The following OXR1 variants were observed in gnomAD, a reference collection of about 807,000 sequenced individuals.
OXR1 encodes oxidation resistance 1, also known as oxidation resistance protein 1.
OXR1 carries 41 observed loss-of-function variants against 104.6 expected under a neutral mutation model. The ratio of observed to expected loss-of-function variants is 0.39; its 90% CI spans 0.31 to 0.51. The LOEUF is 0.51. OXR1 is among the 20% of genes least tolerant of loss of function. OXR1 has a pLI of 0.77. For synonymous variants in OXR1, 348 were observed against 348.4 expected (o/e 1.00, Z 0.01); for missense variants, 955 against 1,031.9 (o/e 0.93, Z 1.02).
intron 2 of OXR1, among the ~76,000 whole-genome samples, chr8:106,518,629 C>T (rs2130104680): frequency 6.6e-6 from 1 of 152,218 alleles, no homozygotes; most frequent in East Asian, 1.9e-4. Flanking sequence ...CCTTTCAGAA[C>T]TAAATACTAT....
At chr8:106,334,455 G>A (rs556901582) in intron 1 of OXR1, among the ~76,000 whole-genome samples, 14 of 152,154 alleles carry the variant, frequency 9.2e-5, no homozygotes, top group African/African-American at 3.4e-4. Flanking sequence ...CCTCTGACTA[G>A]AGCCTCCAGA....
intron 2 of OXR1, among the ~76,000 whole-genome samples, chr8:106,419,072 C>T (rs989515189): frequency 6.6e-6 from 1 of 152,138 alleles, no homozygotes; most frequent in African/African-American, 2.4e-5. Context: ...TTGATGGCAT[C>T]ACTGACTCCA....
At chr8:106,641,284 G>GC (rs1192849692) in intron 3 of OXR1, among the ~76,000 whole-genome samples, 2 of 152,162 alleles carry the variant, frequency 1.3e-5, no homozygotes, top group Admixed American at 1.3e-4. Flanking sequence ...GGACCTCATA[G>GC]CTTTTGAAGC....
chr8:106,505,617 G>T (rs1385352505), intron 2 of OXR1, among the ~76,000 whole-genome samples: 1 of 152,134 alleles, frequency 6.6e-6, no homozygotes, highest in Non-Finnish European at 1.5e-5. Flanking sequence ...AAAATTGTAG[G>T]GATGGTCTTT....
At chr8:106,503,544 A>C (rs1273216636) in intron 2 of OXR1, among the ~76,000 whole-genome samples, 1 of 152,140 alleles carries the variant, frequency 6.6e-6, no homozygotes, top group Non-Finnish European at 1.5e-5. Flanking sequence ...GGATGCCTTT[A>C]CCTTATCCCA....
intron 3 of OXR1, chr8:106,656,022 T>C (rs958125995): frequency 6.6e-6 from 1 of 152,240 alleles, no homozygotes; most frequent in African/African-American, 2.4e-5. Context: ...GGTAAATTTT[T>C]AGAAGATGTA....
intron 2 of OXR1, among the ~76,000 whole-genome samples, chr8:106,425,935 G>A (rs1227893631): frequency 6.6e-6 from 1 of 152,192 alleles, no homozygotes; most frequent in East Asian, 1.9e-4. Flanking sequence ...TTCTTGCAGA[G>A]GAGGTATGTA....
intron 3 of OXR1, among the ~76,000 whole-genome samples, chr8:106,610,228 C>G (rs1820713921): frequency 6.6e-6 from 1 of 151,996 alleles, no homozygotes; most frequent in African/African-American, 2.4e-5. Flanking sequence ...AAAATTCTGT[C>G]TATTCAACCC....
At chr8:106,726,318 TAGTC>T in intron 11 of OXR1, 1 of 1,413,282 alleles carries the variant, frequency 7.1e-7, no homozygotes, top group Non-Finnish European at 9.6e-7. Context: ...TGGTAAATCT[TAGTC>T]AATTATTTTA....
chr8:106,485,853 G>A (rs1179781915), intron 2 of OXR1, among the ~76,000 whole-genome samples: 1 of 151,690 alleles, frequency 6.6e-6, no homozygotes, highest in Non-Finnish European at 1.5e-5. Flanking sequence ...AAATAAGCCA[G>A]GCACAAAAAG....
At chr8:106,482,753 C>T (rs1477626862) in intron 2 of OXR1, among the ~76,000 whole-genome samples, 2 of 151,934 alleles carry the variant, frequency 1.3e-5, no homozygotes, top group African/African-American at 4.8e-5. Flanking sequence ...AATTTCTTTT[C>T]ACTCATTTTG....
intron 2 of OXR1, among the ~76,000 whole-genome samples, chr8:106,370,100 A>G (rs1268547319): frequency 6.6e-6 from 1 of 152,092 alleles, no homozygotes; most frequent in Non-Finnish European, 1.5e-5. Context: ...GTTCTCCTTA[A>G]AGAGGTCCTT....
At chr8:106,737,319 G>A (rs888582103) in intron 11 of OXR1, among the ~76,000 whole-genome samples, 1 of 151,872 alleles carries the variant, frequency 6.6e-6, no homozygotes, top group Non-Finnish European at 1.5e-5. Flanking sequence ...CTAGTTGGAT[G>A]TAGTAGTGAA....
chr8:106,365,144 G>A (rs557660357), intron 2 of OXR1, among the ~76,000 whole-genome samples: 4 of 152,148 alleles, frequency 2.6e-5, no homozygotes, highest in Admixed American at 6.6e-5. Context: ...AAAGAGAAAG[G>A]TTAGATATGA....
chr8:106,617,478 C>A (rs558468569), intron 3 of OXR1, among the ~76,000 whole-genome samples: 230 of 152,194 alleles, frequency 1.5e-3, no homozygotes, highest in African/African-American at 5.3e-3. Flanking sequence ...GTTATTACTA[C>A]TTTTATCCAT....
intron 3 of OXR1, 84 bp downstream of exon 3, chr8:106,519,223 G>T: frequency 1.2e-6 from 1 of 810,730 alleles, no homozygotes; most frequent in Non-Finnish European, 1.9e-6. Context: ...TTAGTTAAGT[G>T]GCTCCTTGTT....
intron 11 of OXR1, among the ~76,000 whole-genome samples, chr8:106,724,605 T>G (rs562706261): frequency 6.6e-6 from 1 of 152,348 alleles, no homozygotes; most frequent in Non-Finnish European, 1.5e-5. Flanking sequence ...GTCTGATTAA[T>G]TAGAAACCAT....
intron 1 of OXR1, among the ~76,000 whole-genome samples, chr8:106,284,812 A>T (rs2345580): frequency 0.27 from 41,283 of 150,412 alleles, 7,400 homozygotes; most frequent in African/African-American, 0.52. Flanking sequence ...ATCTTTTTTT[A>T]AAAAAAAAGG....
chr8:106,297,463 A>T (rs1813044495), intron 1 of OXR1, among the ~76,000 whole-genome samples: 1 of 152,144 alleles, frequency 6.6e-6, no homozygotes, highest in Admixed American at 6.5e-5. Flanking sequence ...ACAGCCCATT[A>T]TACACCTTGG....
Sources: gnomAD v4.1 joint callset for allele counts (sites outside exome capture counted in the v4.1 genomes callset) on GRCh38, gnomAD v4.1.1 for gene constraint, MANE v1.5 for transcripts, NCBI Gene and HGNC (gene_info 2026-07-23, HGNC 2026-07-21) for gene names.